The following KIAA0825 variants were observed in gnomAD, a reference collection of about 807,000 sequenced individuals.
The protein encoded by KIAA0825 is uncharacterized protein KIAA0825.
KIAA0825 carries 119 observed loss-of-function variants against 147.6 expected under a neutral mutation model. The ratio of observed to expected loss-of-function variants is 0.81; its 90% CI spans 0.69 to 0.94. The LOEUF (loss-of-function observed/expected upper bound fraction) is 0.94, where lower values mean the gene tolerates loss of function less well. KIAA0825 is among the 40% of genes least tolerant of loss of function. KIAA0825 has a pLI of 0.00. For missense variants in KIAA0825, 1,381 were observed against 1,472.7 expected (o/e 0.94, Z 1.02); for synonymous variants, 470 against 518.1 (o/e 0.91, Z 1.26).
chr5:94,453,834 T>A (rs1040195308), intron 12 of KIAA0825, among the ~76,000 whole-genome samples: 1 of 152,098 alleles, frequency 6.6e-6, no homozygotes, highest in Non-Finnish European at 1.5e-5. Flanking sequence ...ATCCAATAAA[T>A]GCCAGTATTT....
intron 14 of KIAA0825, among the ~76,000 whole-genome samples, chr5:94,426,053 T>C (rs937213988): frequency 4.0e-5 from 6 of 150,640 alleles, no homozygotes; most frequent in African/African-American, 1.2e-4. Context: ...ATTATTATTA[T>C]AGAGAGAAGG....
chr5:94,339,263 G>T (rs998054693), intron 20 of KIAA0825, among the ~76,000 whole-genome samples: 1 of 152,052 alleles, frequency 6.6e-6, no homozygotes, highest in Non-Finnish European at 1.5e-5. Context: ...CATCTTAATT[G>T]TGCCTCTTAT....
intron 14 of KIAA0825, among the ~76,000 whole-genome samples, chr5:94,424,974 G>C (rs1239443565): frequency 6.6e-6 from 1 of 152,096 alleles, no homozygotes; most frequent in Admixed American, 6.6e-5. Context: ...CCAATAACAA[G>C]TAACGAGATG....
intron 20 of KIAA0825, among the ~76,000 whole-genome samples, chr5:94,290,216 T>G (rs543713860): frequency 2.0e-5 from 3 of 152,266 alleles, no homozygotes; most frequent in Admixed American, 6.5e-5. Flanking sequence ...ACATGTGCCA[T>G]GGTGGTTTGC....
chr5:94,379,443 C>T (rs900985172), intron 20 of KIAA0825, among the ~76,000 whole-genome samples: 1 of 152,168 alleles, frequency 6.6e-6, no homozygotes, highest in African/African-American at 2.4e-5. Context: ...GCTCACTATT[C>T]TGTTCCATTG....
Position 94,423,636 on chromosome 5 carries a change from C to T in KIAA0825, c.2498-6271G>A, listed in dbSNP as rs527398467. On this transcript the variant is annotated intron_variant, in intron 14 of 20. Coordinates refer to ENST00000682413, the MANE Select transcript of KIAA0825 (RefSeq NM_001145678.3). ...TGCTGAGACACTAAAGAGGTTTTGGCAACAATGTTGTAGAAGAGTGTGCCA... is the reference window on the plus strand; with the variant it reads ...TGCTGAGACACTAAAGAGGTTTTGGTAACAATGTTGTAGAAGAGTGTGCCA... Among the ~76,000 whole-genome samples, 4 of 152,260 alleles carry T rather than the reference C, an allele frequency of 2.6e-5. No individual in the cohort carries two copies. The South Asian group carries it at 8.3e-4, about 32-fold the overall frequency.
chr5:94,515,719 G>C (rs1012596082), intron 5 of KIAA0825, among the ~76,000 whole-genome samples: 14 of 150,630 alleles, frequency 9.3e-5, no homozygotes, highest in Admixed American at 7.9e-4. Context: ...TTGAACCCAG[G>C]AGGTGGAGGT....
intron 20 of KIAA0825, among the ~76,000 whole-genome samples, chr5:94,171,587 G>A (rs1187046731): frequency 6.6e-6 from 1 of 152,034 alleles, no homozygotes; most frequent in Non-Finnish European, 1.5e-5. Context: ...TTTGTTAAGT[G>A]AATGACCCAT....
intron 1 of KIAA0825, among the ~76,000 whole-genome samples, chr5:94,610,965 G>C (rs1299083016): frequency 1.3e-5 from 2 of 151,864 alleles, no homozygotes; most frequent in Non-Finnish European, 2.9e-5. Flanking sequence ...TGTGCTCCCT[G>C]GAAGGAAAAT....
chr5:94,462,137 A>G (rs1318601526), intron 12 of KIAA0825, among the ~76,000 whole-genome samples: 2 of 151,956 alleles, frequency 1.3e-5, no homozygotes, highest in Admixed American at 6.6e-5. Context: ...TGATTGTATT[A>G]GAACTTTATC....
At chr5:94,521,507 C>T (rs1768194908) in intron 4 of KIAA0825, among the ~76,000 whole-genome samples, 1 of 151,510 alleles carries the variant, frequency 6.6e-6, no homozygotes, top group South Asian at 2.1e-4. Context: ...CATTTAAATT[C>T]CTTTTTGAGA....
chr5:94,185,919 G>A (rs1770078631), intron 20 of KIAA0825, among the ~76,000 whole-genome samples: 1 of 152,120 alleles, frequency 6.6e-6, no homozygotes, highest in African/African-American at 2.4e-5. Context: ...ATTATTTGGA[G>A]CATTAACTGA....
At chr5:94,486,221 A>G (rs555122078) in intron 5 of KIAA0825, among the ~76,000 whole-genome samples, 29 of 152,044 alleles carry the variant, frequency 1.9e-4, no homozygotes, top group Non-Finnish European at 3.8e-4. Context: ...GAAAATTTGT[A>G]AACTCCTACA....
At chr5:94,589,917 T>C (rs1784040266) in intron 1 of KIAA0825, among the ~76,000 whole-genome samples, 2 of 152,056 alleles carry the variant, frequency 1.3e-5, no homozygotes, top group African/African-American at 4.8e-5. Context: ...TTGTTATCTA[T>C]GATCAGCCAA....
At chr5:94,522,435 T>C (rs1768401827) in intron 4 of KIAA0825, among the ~76,000 whole-genome samples, 1 of 151,678 alleles carries the variant, frequency 6.6e-6, no homozygotes, top group Non-Finnish European at 1.5e-5. Context: ...TTTTTTTAAG[T>C]CCGTAAATAA....
chr5:94,494,969 A>T (rs1013262224), intron 5 of KIAA0825, among the ~76,000 whole-genome samples: 1 of 152,250 alleles, frequency 6.6e-6, no homozygotes, highest in Admixed American at 6.5e-5. Flanking sequence ...CAGTTAAGAC[A>T]TCTGCTGAGT....
At chr5:94,478,712 C>T (rs1762169850) in intron 6 of KIAA0825, among the ~76,000 whole-genome samples, 2 of 151,870 alleles carry the variant, frequency 1.3e-5, no homozygotes, top group Admixed American at 1.3e-4. Flanking sequence ...AAATAAAATC[C>T]AGATTAGTCA....
At chr5:94,577,941 T>C (rs999514978) in intron 2 of KIAA0825, among the ~76,000 whole-genome samples, 11 of 152,234 alleles carry the variant, frequency 7.2e-5, no homozygotes, top group African/African-American at 2.4e-4. Context: ...TTTGAACACT[T>C]TGAACTAATT....
chr5:94,355,074 G>C (rs1784103425), intron 20 of KIAA0825, among the ~76,000 whole-genome samples: 1 of 152,200 alleles, frequency 6.6e-6, no homozygotes, highest in African/African-American at 2.4e-5. Flanking sequence ...ATATTTTCTG[G>C]TTGACAATTG....
Sources: allele counts gnomAD v4.1 joint callset (sites outside exome capture counted in the v4.1 genomes callset), GRCh38; gene constraint gnomAD v4.1.1; transcripts MANE v1.5; gene names NCBI Gene and HGNC (gene_info 2026-07-23, HGNC 2026-07-21).